Variants in DCLK1 observed in about 807,000 individuals in gnomAD.
DCLK1 encodes the protein doublecortin like kinase 1, also known as serine/threonine-protein kinase DCLK1.
In DCLK1, 16 loss-of-function variants were observed where a neutral mutation model predicts 86.2. The ratio of observed to expected loss-of-function variants is 0.19; its 90% CI spans 0.13 to 0.28. The LOEUF (loss-of-function observed/expected upper bound fraction) is 0.28. DCLK1 is among the 10% of genes least tolerant of loss of function. DCLK1 has a pLI of 1.00. For missense variants in DCLK1, 590 were observed against 940.2 expected (o/e 0.63, Z 4.87); for synonymous variants, 369 against 370.5 (o/e 1.00, Z 0.05).
chr13:35,845,184 G>A (rs1870087169), intron 6 of DCLK1, among the ~76,000 whole-genome samples: 1 of 152,154 alleles, frequency 6.6e-6, no homozygotes, highest in Non-Finnish European at 1.5e-5. Flanking sequence ...GAAGGCGGAG[G>A]TTGCAGTGAG....
chr13:35,878,620 G>T (rs1316243394), intron 4 of DCLK1, among the ~76,000 whole-genome samples: 1 of 151,878 alleles, frequency 6.6e-6, no homozygotes, highest in Non-Finnish European at 1.5e-5. Flanking sequence ...CTACAATGAA[G>T]AATAATTTAA....
At chr13:35,865,695 C>T (rs926942551) in intron 5 of DCLK1, among the ~76,000 whole-genome samples, 8 of 152,160 alleles carry the variant, frequency 5.3e-5, no homozygotes, top group Non-Finnish European at 1.0e-4. Context: ...ACTGATAGTT[C>T]TGAAAGTGTA....
At chr13:36,003,485 T>C (rs1031251579) in intron 3 of DCLK1, among the ~76,000 whole-genome samples, 7 of 152,312 alleles carry the variant, frequency 4.6e-5, no homozygotes, top group Middle Eastern at 6.8e-3. Flanking sequence ...TAACTTCTTA[T>C]AGGTTATCAT....
At chr13:36,043,349 T>C (rs1882761211) in intron 3 of DCLK1, among the ~76,000 whole-genome samples, 2 of 151,610 alleles carry the variant, frequency 1.3e-5, no homozygotes, top group Non-Finnish European at 2.9e-5. Flanking sequence ...TATTAAAAGG[T>C]AAAATTAATT....
At chr13:36,068,195 T>C (rs541571527) in intron 3 of DCLK1, among the ~76,000 whole-genome samples, 1 of 152,332 alleles carries the variant, frequency 6.6e-6, no homozygotes, top group East Asian at 1.9e-4. Flanking sequence ...AGTCATTCTG[T>C]TCCTATTATT....
chr13:36,112,501 G>C (rs2138191294), intron 2 of DCLK1, among the ~76,000 whole-genome samples: 1 of 152,280 alleles, frequency 6.6e-6, no homozygotes, highest in South Asian at 2.1e-4. Flanking sequence ...AAAGACCTTA[G>C]AGAAGTGTGA....
chr13:35,805,504 GC>G, intron 15 of DCLK1, 194 bp downstream of exon 15: 1 of 498,542 alleles, frequency 2.0e-6, no homozygotes, highest in Non-Finnish European at 3.5e-6. Flanking sequence ...TTGCCATGTT[GC>G]CCAAGCTGTC....
chr13:36,059,867 T>TC (rs1883474681), intron 3 of DCLK1, among the ~76,000 whole-genome samples: 1 of 123,188 alleles, frequency 8.1e-6, no homozygotes, highest in South Asian at 3.6e-4. Context: ...CACTTAAATC[T>TC]CTTTTTTTTT....
intron 2 of DCLK1, 55 bp downstream of exon 2, chr13:36,125,707 G>A (rs1347416745): frequency 1.9e-6 from 3 of 1,560,514 alleles, no homozygotes; most frequent in African/African-American, 1.4e-5. Context: ...TACAACACTG[G>A]AAATCTGAGC....
intron 3 of DCLK1, among the ~76,000 whole-genome samples, chr13:36,102,685 A>T (rs1366883415): frequency 6.6e-6 from 1 of 152,254 alleles, no homozygotes; most frequent in Non-Finnish European, 1.5e-5. Context: ...GGAATCAGAC[A>T]CGTTTTGAAA....
intron 3 of DCLK1, among the ~76,000 whole-genome samples, chr13:35,952,040 G>A (rs779317395): frequency 5.3e-5 from 8 of 152,000 alleles, no homozygotes; most frequent in East Asian, 1.9e-4. Flanking sequence ...TTTGTGTCTC[G>A]GTTTATCATA....
At chr13:35,847,722 G>GGTAT in intron 6 of DCLK1, 2 of 984,032 alleles carry the variant, frequency 2.0e-6, no homozygotes, top group Non-Finnish European at 2.4e-6. Flanking sequence ...GGTTATGTAG[G>GGTAT]GTATATATAT....
At chr13:35,883,187 T>C (rs1873022444) in intron 4 of DCLK1, among the ~76,000 whole-genome samples, 1 of 152,184 alleles carries the variant, frequency 6.6e-6, no homozygotes, top group Non-Finnish European at 1.5e-5. Flanking sequence ...GCAGTTGTTG[T>C]AGTTTAGATA....
In DCLK1 at chr13:35,947,422, G is replaced by A. The variant is rs1054934597; in HGVS notation, c.759C>T (p.Asp253=). 8.7e-6 allele frequency: 14 copies of A among 1,613,606 alleles called. No homozygotes were observed. The highest frequency in any genetic ancestry group is 1.6e-4 in the Middle Eastern group (1 of 6,082). ...MCLQDFFGDD[D]IFIACGPEKF... ...TCTCCGGTCCACATGCAATAAAAAT[G>A]TCATCATCACCAAAAAAGTCCTGAA... is the stretch of plus-strand genomic sequence containing the variant. Residue 253 remains aspartate (D), a synonymous_variant, in exon 4 of 17, where the codon GAC becomes GAT. Coordinates refer to ENST00000360631, the MANE Select transcript of DCLK1 (RefSeq NM_001330071.2).
At chr13:35,910,567 G>A (rs922006786) in intron 4 of DCLK1, among the ~76,000 whole-genome samples, 2 of 152,180 alleles carry the variant, frequency 1.3e-5, no homozygotes, top group African/African-American at 2.4e-5. Context: ...AGAACATAGA[G>A]TTCCTTAAAA....
chr13:35,844,203 A>T (rs1269187687), intron 6 of DCLK1, among the ~76,000 whole-genome samples: 1 of 152,238 alleles, frequency 6.6e-6, no homozygotes. Flanking sequence ...AGTAAGAATG[A>T]ATACTGAAAA....
chr13:35,820,168 AGTTGT>A (rs1171378183), intron 11 of DCLK1, among the ~76,000 whole-genome samples: 1 of 152,222 alleles, frequency 6.6e-6, no homozygotes, highest in African/African-American at 2.4e-5. Flanking sequence ...GGACAGAATA[AGTTGT>A]GTTAAGTTTT....
At chr13:35,934,145 T>A (rs1232080328) in intron 4 of DCLK1, among the ~76,000 whole-genome samples, 1 of 152,146 alleles carries the variant, frequency 6.6e-6, no homozygotes, top group Non-Finnish European at 1.5e-5. Flanking sequence ...CATAAAAAGT[T>A]CCTCATCTAC....
At chr13:35,813,730 CTTTTT>C (rs35366486) in intron 11 of DCLK1, among the ~76,000 whole-genome samples, 8 of 105,440 alleles carry the variant, frequency 7.6e-5, no homozygotes, top group African/African-American at 2.2e-4. Context: ...CCCCGCCCCG[CTTTTT>C]TTTTTTTTTT....
Sources: allele counts gnomAD v4.1 joint callset (sites outside exome capture counted in the v4.1 genomes callset), GRCh38; gene constraint gnomAD v4.1.1; transcripts MANE v1.5; gene names NCBI Gene and HGNC (gene_info 2026-07-23, HGNC 2026-07-21).